Variants in TNRC18 observed in about 807,000 individuals in gnomAD.
TNRC18 encodes the protein trinucleotide repeat containing 18, also known as trinucleotide repeat-containing gene 18 protein.
A neutral mutation model predicts 226.7 loss-of-function variants in TNRC18; 69 were observed. The ratio of observed to expected loss-of-function variants is 0.30; its 90% CI spans 0.25 to 0.37. TNRC18 has a LOEUF of 0.37. Among genes scored for constraint, TNRC18 ranks in the 10% least tolerant of loss-of-function variants. The pLI is 1.00. For synonymous variants in TNRC18, 2,449 were observed against 1,927.6 expected, an observed-to-expected ratio of 1.27 and a Z score of -7.09; for missense variants, 4,754 against 4,256.6, an observed-to-expected ratio of 1.12 and a Z score of -3.25.
chr7:5,398,436 C>G (rs1780853141), intron 2 of TNRC18, among the ~76,000 whole-genome samples: 4 of 152,218 alleles, frequency 2.6e-5, no homozygotes, highest in Admixed American at 2.0e-4. Context: ...TCCCAAAGTG[C>G]TGGGATTACA....
chr7:5,382,993 G>A (rs78143816), intron 5 of TNRC18, among the ~76,000 whole-genome samples: 27,177 of 152,124 alleles, frequency 0.18, 4,212 homozygotes, highest in African/African-American at 0.42. Flanking sequence ...GCTGGGGTCA[G>A]GTGATCCTTC....
In TNRC18 at chr7:5,394,964, GGC is replaced by G. The variant is rs1263842223; in HGVS notation, c.188-371_188-370del. Among the ~76,000 whole-genome samples the G allele has an allele frequency of 6.6e-6, 1 of 152,170 alleles. No homozygotes were observed. The highest frequency in any genetic ancestry group is 1.5e-5 in the Non-Finnish European group (1 of 68,020). Reference sequence around the variant, plus strand: ...CTGCAGGTGGAATCCTGAAGTCGGTGGCGCACTGGGACTTCCAGAGGCCACAG... The same window carrying G: ...CTGCAGGTGGAATCCTGAAGTCGGTGGCACTGGGACTTCCAGAGGCCACAG... On this transcript the variant is annotated intron_variant, in intron 2 of 29. Coordinates refer to ENST00000430969, the MANE Select transcript of TNRC18 (RefSeq NM_001080495.3). This position sits in a 1 kb window ranked among gnomAD's most constrained non-coding sequence, Gnocchi z 4.5.
chr7:5,343,206 T>A (rs1790849532), intron 18 of TNRC18, among the ~76,000 whole-genome samples: 1 of 151,244 alleles, frequency 6.6e-6, no homozygotes, highest in Admixed American at 6.6e-5. Flanking sequence ...ATACAAAAAT[T>A]AGCCAGGCGT....
At chr7:5,353,629 G>A (rs1336417095) in intron 16 of TNRC18, among the ~76,000 whole-genome samples, 1 of 149,776 alleles carries the variant, frequency 6.7e-6, no homozygotes, top group African/African-American at 2.5e-5. Context: ...GAAAAAGCAA[G>A]AGGAGACCGT....
At chr7:5,412,669 T>C (rs1174563632) in intron 2 of TNRC18, among the ~76,000 whole-genome samples, 1 of 152,204 alleles carries the variant, frequency 6.6e-6, no homozygotes, top group South Asian at 2.1e-4. Context: ...ACCCATTTTA[T>C]AGATGAAAAA....
At chr7:5,411,078 C>T (rs1232272106) in intron 2 of TNRC18, among the ~76,000 whole-genome samples, 1 of 151,430 alleles carries the variant, frequency 6.6e-6, no homozygotes, top group African/African-American at 2.4e-5. Flanking sequence ...CATGGTGGCA[C>T]ATGCCTGTTA....
chr7:5,308,104 G>A lies in TNRC18; in HGVS notation c.*2C>T. Reference sequence around the variant, plus strand: ...ACAGGTGGCCCGCAGGGCCCGGCGGGCTCAGCAGAGCACGGGCACGCCGTC... The same window carrying A: ...ACAGGTGGCCCGCAGGGCCCGGCGGACTCAGCAGAGCACGGGCACGCCGTC... On this transcript the variant is annotated 3_prime_UTR_variant, in exon 30 of 30. Transcript: ENST00000430969. The A allele has an allele frequency of 6.5e-7, 1 of 1,548,864 alleles. No individual in the cohort carries two copies. The highest frequency in any genetic ancestry group is 8.7e-7 in the Non-Finnish European group (1 of 1,146,478).
intron 29 of TNRC18, 33 bp downstream of exon 29, chr7:5,308,842 A>AC: frequency 7.5e-5 from 25 of 334,748 alleles, no homozygotes; most frequent in Non-Finnish European, 9.9e-5. Context: ...AGCCATCCCC[A>AC]ACCCGCCCAC....
In TNRC18 at chr7:5,332,915, C is replaced by T. The variant is rs754285693; in HGVS notation, c.5854G>A (p.Gly1952Ser). ...SLAAPTPGAR[G>S]PDPSSPDKAK... is the part of the protein sequence containing the mutation. Reference sequence around the variant, plus strand: ...TTGTCTGGGCTGCTGGGGTCGGGACCGCGGGCGCCAGGCGTGGGTGCGGCC... The same window carrying T: ...TTGTCTGGGCTGCTGGGGTCGGGACTGCGGGCGCCAGGCGTGGGTGCGGCC... The change falls in exon 19 of 30, where the codon GGT becomes AGT. Residue 1952 changes from glycine (G) to serine (S), a missense_variant. By Grantham distance (56) the Gly-to-Ser change is moderately conservative. Coordinates refer to ENST00000430969, the MANE Select transcript of TNRC18 (RefSeq NM_001080495.3). The T allele has an allele frequency of 6.5e-7, 1 of 1,539,428 alleles. No individual in the cohort carries two copies. Among genetic ancestry groups the T allele is most frequent in the Non-Finnish European group, 8.7e-7 (1 of 1,149,986 alleles).
chr7:5,388,790 G>C lies in TNRC18; in HGVS notation c.1034C>G (p.Pro345Arg). Residue 345 changes from proline (P) to arginine (R), a missense_variant, in exon 5 of 30, where the codon CCT becomes CGT. Physicochemically the swap from Pro to Arg is moderately radical, Grantham distance 103. Transcript: ENST00000430969. ...LPPPPAPPKG[P>R]PAPPAATPAG... ...GGGGGTGGCCGCGGGGGGTGCAGGA[G>C]GCCCCTTGGGGGGCGCGGGCGGCGG... The C allele has an allele frequency of 1.7e-6, 2 of 1,207,054 alleles. No individual in the cohort carries two copies. The highest frequency in any genetic ancestry group is 2.1e-6 in the Non-Finnish European group (2 of 970,454). The allele number at this position is 1,207,054 out of a possible 1,614,324, so 74.8% of individuals were successfully genotyped here.
At chr7:5,323,568 G>GTTTTTTTTTTT (rs1554272402) in intron 21 of TNRC18, among the ~76,000 whole-genome samples, 6 of 122,268 alleles carry the variant, frequency 4.9e-5, no homozygotes, top group East Asian at 2.4e-4. Context: ...GCACCAGACA[G>GTTTTTTTTTTT]TTTTTTTTTT....
chr7:5,366,317 TC>T (rs1236954974), intron 11 of TNRC18, among the ~76,000 whole-genome samples: 1 of 123,842 alleles, frequency 8.1e-6, no homozygotes, highest in Admixed American at 8.6e-5. Context: ...TCTTCTTATA[TC>T]TTTTTTTTTT....
intron 2 of TNRC18, among the ~76,000 whole-genome samples, chr7:5,397,620 G>A (rs1177682504): frequency 6.6e-6 from 1 of 152,168 alleles, no homozygotes; most frequent in Non-Finnish European, 1.5e-5. Context: ...TCACTCTCCA[G>A]AACAAACAAA....
In TNRC18 at chr7:5,357,068, G is replaced by A. The variant is rs762518264; in HGVS notation, c.5042C>T (p.Ala1681Val). ...SLLGKNRKAL[A>V]KGLGLSLKSS... ...TTTCAGAGACAGGCCGAGGCCCTTGGCCAGCGCCTTCCTGTTCTTCCCCAG... is the reference window on the plus strand; with the variant it reads ...TTTCAGAGACAGGCCGAGGCCCTTGACCAGCGCCTTCCTGTTCTTCCCCAG... The change falls in exon 16 of 30, where the codon GCC becomes GTC. Residue 1681 changes from alanine to valine, a missense_variant. Coordinates refer to ENST00000430969, the MANE Select transcript of TNRC18 (RefSeq NM_001080495.3). 3 of 1,551,984 alleles carry A rather than the reference G, an allele frequency of 1.9e-6. No individual in the cohort carries two copies. Among genetic ancestry groups the A allele is most frequent in the African/African-American group, 2.7e-5 (2 of 73,026 alleles).
Position 5,370,964 on chromosome 7 carries a change from C to A in TNRC18, c.3630G>T (p.Gly1210=), listed in dbSNP as rs111532847. 5.4e-5 allele frequency: 87 copies of A among 1,605,432 alleles called. No homozygotes were observed. The highest frequency in any genetic ancestry group is 6.9e-5 in the Non-Finnish European group (81 of 1,179,726). Residue 1210 remains glycine (G), a synonymous_variant, in exon 11 of 30, where the codon GGG becomes GGT. Coordinates refer to ENST00000430969, the MANE Select transcript of TNRC18 (RefSeq NM_001080495.3). ...LLEAQALSAT[G]QSCAEPSECP... is the part of the protein sequence containing the mutation. ...ACTCAGAGGGCTCTGCGCAGCTCTGCCCGGTGGCACTCAGCGCCTGGGCCT... is the reference window on the plus strand; with the variant it reads ...ACTCAGAGGGCTCTGCGCAGCTCTGACCGGTGGCACTCAGCGCCTGGGCCT...
rs562614370 is a variant in TNRC18 at position 5,308,090 on chromosome 7, G to A, written c.*16C>T. The A allele has an allele frequency of 2.3e-5, 36 of 1,543,572 alleles. 2 individuals are homozygous for A. Among genetic ancestry groups the A allele is most frequent in the African/African-American group, 1.6e-4 (12 of 72,968 alleles). ...GCCGCCCTCGGGGCACAGGTGGCCCGCAGGGCCCGGCGGGCTCAGCAGAGC... is the reference window on the plus strand; with the variant it reads ...GCCGCCCTCGGGGCACAGGTGGCCCACAGGGCCCGGCGGGCTCAGCAGAGC... On this transcript the variant is annotated 3_prime_UTR_variant, in exon 30 of 30. Coordinates refer to ENST00000430969, the MANE Select transcript of TNRC18 (RefSeq NM_001080495.3).
chr7:5,324,253 G>A lies in TNRC18; in HGVS notation c.6403C>T (p.Leu2135=). The A allele has an allele frequency of 1.2e-6, 2 of 1,612,146 alleles. No homozygotes were observed. Among genetic ancestry groups the A allele is most frequent in the Middle Eastern group, 1.7e-4 (1 of 6,040 alleles). Residue 2135 remains leucine (L), a synonymous_variant, in exon 21 of 30, where the codon CTG becomes TTG. Coordinates refer to ENST00000430969, the MANE Select transcript of TNRC18 (RefSeq NM_001080495.3). The surrounding 1 kb of genome is among the most constrained non-coding windows in gnomAD (Gnocchi z 4.8). ...QDSSFSEDEH[L]PRGGAVERPL... ...CGCTCCACAGCCCCGCCACGCGGCA[G>A]GTGCTCGTCCTCAGAGAAGCTCGAG...
At chr7:5,354,334 G>A (rs1487155891) in intron 16 of TNRC18, among the ~76,000 whole-genome samples, 3 of 151,984 alleles carry the variant, frequency 2.0e-5, no homozygotes, top group Non-Finnish European at 2.9e-5. Context: ...CTGACCTCCA[G>A]CTCCACCCCA....
Position 5,312,895 on chromosome 7 carries a change from A to G in TNRC18, c.7996T>C (p.Ser2666Pro). ...SSSSSSSSSS[S>P]SSSSSTTDED... ...TCTGTGGTGGAGGAAGAAGAGGAGG[A>G]AGAGGAGGAGGAGGAGGAGGATGAG... Residue 2666 changes from serine to proline, a missense_variant, in exon 27 of 30, where the codon TCC becomes CCC. Transcript: ENST00000430969. The surrounding 1 kb of genome is among the most constrained non-coding windows in gnomAD (Gnocchi z 6.3). 1 of 1,520,168 alleles carries G rather than the reference A, an allele frequency of 6.6e-7. No homozygotes were observed. The highest frequency in any genetic ancestry group is 8.8e-7 in the Non-Finnish European group (1 of 1,133,158). The allele number at this position is 1,520,168 out of a possible 1,614,324, so 94.2% of individuals were successfully genotyped here.
Sources: gnomAD v4.1 joint callset for allele counts (sites outside exome capture counted in the v4.1 genomes callset) on GRCh38, gnomAD v4.1.1 for gene constraint, Gnocchi (gnomAD v3.1) non-coding constraint, MANE v1.5 for transcripts, NCBI Gene and HGNC (gene_info 2026-07-23, HGNC 2026-07-21) for gene names.